The following PNO1 variants were observed in gnomAD, a reference collection of about 807,000 sequenced individuals.
PNO1 encodes the protein partner of NOB1 homolog.
A neutral mutation model predicts 28.4 loss-of-function variants in PNO1; 16 were observed. That is an observed-to-expected ratio of 0.56 (90% CI 0.38 to 0.85). The LOEUF (loss-of-function observed/expected upper bound fraction) is 0.85, where lower values mean the gene tolerates loss of function less well. Ranked by LOEUF, PNO1 falls within the 40% of genes least tolerant of loss-of-function variation. The pLI is 0.00. For synonymous variants in PNO1, 115 were observed against 110.8 expected (o/e 1.04, Z -0.24); for missense variants, 304 against 312.2 (o/e 0.97, Z 0.20).
intron 5 of PNO1, among the ~76,000 whole-genome samples, chr2:68,169,487 G>A (rs1674072868): frequency 6.6e-6 from 1 of 152,170 alleles, no homozygotes; most frequent in Admixed American, 6.5e-5. Flanking sequence ...GGCATTCTAA[G>A]TGGATACTTG....
intron 5 of PNO1, among the ~76,000 whole-genome samples, chr2:68,168,921 CTTTTTTTTTTTTTTT>C (rs57701897): frequency 1.4e-5 from 1 of 72,484 alleles, no homozygotes; most frequent in Non-Finnish European, 2.4e-5. Flanking sequence ...CAGCTTTTTT[CTTTTTTTTTTTTTTT>C]TTTTTTTTTT....
At chr2:68,174,288 G>GTTTTTTTTTTTTTTTTTTTTTTTTTAAGT (rs34323809) in intron 6 of PNO1, among the ~76,000 whole-genome samples, 1 of 106,800 alleles carries the variant, frequency 9.4e-6, no homozygotes, top group African/African-American at 3.8e-5. Context: ...TTCTGTTAAG[G>GTTTTTTTTTTTTTTTTTTTTTTTTTAAGT]TTTTTTTTTT....
intron 5 of PNO1, among the ~76,000 whole-genome samples, chr2:68,170,596 A>G (rs1674101516): frequency 6.6e-6 from 1 of 151,956 alleles, no homozygotes; most frequent in Non-Finnish European, 1.5e-5. Flanking sequence ...AAATACAAAA[A>G]AATTAGTCGG....
At chr2:68,162,759 CT>C (rs1183408874) in intron 5 of PNO1, 96 bp downstream of exon 5, 1 of 812,174 alleles carries the variant, frequency 1.2e-6, no homozygotes, top group East Asian at 2.4e-5. Context: ...CATAATGTTG[CT>C]GCTAAATCTT....
At chr2:68,160,108 A>G (rs1474432973) in intron 2 of PNO1, among the ~76,000 whole-genome samples, 3 of 151,578 alleles carry the variant, frequency 2.0e-5, no homozygotes, top group African/African-American at 7.3e-5. Flanking sequence ...AGCTGGGACT[A>G]CAGGCACCCA....
intron 5 of PNO1, among the ~76,000 whole-genome samples, chr2:68,165,236 C>G (rs916709694): frequency 1.4e-4 from 21 of 150,338 alleles, no homozygotes; most frequent in African/African-American, 5.1e-4. Flanking sequence ...TAGTGGCGGG[C>G]GCCTGTAGTC....
intron 2 of PNO1, among the ~76,000 whole-genome samples, chr2:68,160,123 C>T (rs1162976406): frequency 1.3e-5 from 2 of 151,920 alleles, no homozygotes; most frequent in African/African-American, 4.8e-5. Flanking sequence ...CACCCACCAC[C>T]ACGCCCGGCT....
intron 5 of PNO1, among the ~76,000 whole-genome samples, chr2:68,163,545 ATACATAC>A (rs1558619211): frequency 3.3e-4 from 46 of 138,004 alleles, no homozygotes; most frequent in African/African-American, 1.0e-3. Flanking sequence ...AAATAAATAC[ATACATAC>A]ATACATACAT....
intron 1 of PNO1, 72 bp from the exon 2 acceptor site, chr2:68,158,308 G>A (rs1673726031): frequency 1.4e-6 from 2 of 1,469,416 alleles, no homozygotes; most frequent in Non-Finnish European, 1.9e-6. Flanking sequence ...GCCCTTTGTG[G>A]ATCAGATGTC....
chr2:68,174,777 C>T lies in PNO1; in HGVS notation c.734C>T (p.Ala245Val). The change falls in exon 7 of 7, where the codon GCT becomes GTT. Residue 245 changes from alanine to valine, a missense_variant. Ala to Val is a moderately conservative substitution (Grantham distance 64). Coordinates refer to ENST00000263657, the MANE Select transcript of PNO1 (RefSeq NM_020143.4). Reference protein sequence around the residue: ...SKVYGNIRAVASRSADRF With the variant: ...SKVYGNIRAVVSRSADRF ...GTTTATGGCAATATTCGAGCTGTGG[C>T]TAGCAGATCAGCAGATCGATTCTGA... is the stretch of plus-strand genomic sequence containing the variant. 6.2e-7 allele frequency: 1 copy of T among 1,609,376 alleles called. No homozygotes were observed. The highest frequency in any genetic ancestry group is 8.5e-7 in the Non-Finnish European group (1 of 1,176,152).
At position 68,173,398 on chromosome 2, in the gene PNO1, C is replaced by T; in HGVS notation, c.672C>T (p.Ala224=). The stretch of plus-strand genomic sequence containing the variant: ...AAAATATCAAGATGGCAAGAACTGC[C>T]ATTTGCAACCTAATCTTGGGTAATA... ...SFQNIKMART[A]ICNLILGNPP... The change falls in exon 6 of 7, where the codon GCC becomes GCT. Residue 224 remains alanine, a synonymous_variant. Transcript: ENST00000263657. 1 of 1,599,378 alleles carries T rather than the reference C, an allele frequency of 6.3e-7. No individual in the cohort carries two copies. Among genetic ancestry groups the T allele is most frequent in the Non-Finnish European group, 8.6e-7 (1 of 1,166,752 alleles).
chr2:68,168,272 A>G (rs1236784508), intron 5 of PNO1, among the ~76,000 whole-genome samples: 1 of 152,252 alleles, frequency 6.6e-6, no homozygotes, highest in Admixed American at 6.5e-5. Context: ...GAGACTTAAC[A>G]TTTAAAATAC....
At chr2:68,173,041 G>C (rs1234659668) in intron 5 of PNO1, 1 of 235,254 alleles carries the variant, frequency 4.3e-6, no homozygotes. Context: ...CATTTTTGGA[G>C]TACAGGACTT....
At position 68,175,006 on chromosome 2, in the gene PNO1, A is replaced by G; in HGVS notation, c.*204A>G. The G allele has an allele frequency of 2.4e-6, 1 of 415,968 alleles. No homozygotes were observed. The highest frequency in any genetic ancestry group is 4.0e-6 in the Non-Finnish European group (1 of 250,192). 25.8% of individuals were successfully genotyped at this position (415,968 alleles called of 1,614,324 possible). A position where few individuals can be genotyped will look rare whatever the true frequency, so the allele number is the denominator to read the frequency against. On this transcript the variant is annotated 3_prime_UTR_variant, in exon 7 of 7. Coordinates refer to ENST00000263657, the MANE Select transcript of PNO1 (RefSeq NM_020143.4). ...TTTTAGGATAATTTAAATATCAAAA[A>G]TTGATTGTTATACTTAACACATTAG...
Position 68,175,286 on chromosome 2 carries a change from G to A in PNO1, c.*484G>A, listed in dbSNP as rs952713951. On this transcript the variant is annotated 3_prime_UTR_variant, in exon 7 of 7. Transcript: ENST00000263657. ...GAATATTTGTTTGTTGGCAGACAGGGTCTCACTTTGTCACCCAGGCTAGAG... is the reference window on the plus strand; with the variant it reads ...GAATATTTGTTTGTTGGCAGACAGGATCTCACTTTGTCACCCAGGCTAGAG... 1 of 152,402 alleles carries A rather than the reference G, an allele frequency of 6.6e-6. No homozygotes were observed. The highest frequency in any genetic ancestry group is 1.5e-5 in the Non-Finnish European group (1 of 68,266). 9.4% of individuals were successfully genotyped at this position (152,402 alleles called of 1,614,324 possible).
chr2:68,161,435 A>T (rs536009304), intron 2 of PNO1: 14 of 487,756 alleles, frequency 2.9e-5, no homozygotes, highest in Admixed American at 2.3e-4. Context: ...AAATCTGATC[A>T]TATAGTGCGG....
In PNO1 at chr2:68,174,786, C is replaced by A. The variant is rs780491637; in HGVS notation, c.743C>A (p.Ser248Ter). 6.2e-7 allele frequency: 1 copy of A among 1,606,692 alleles called. No individual in the cohort carries two copies. Among genetic ancestry groups the A allele is most frequent in the Non-Finnish European group, 8.5e-7 (1 of 1,173,864 alleles). Residue 248 changes from serine to a stop codon, truncating the protein, a stop_gained, in exon 7 of 7, where the codon TCA becomes TAA. Transcript: ENST00000263657. LOFTEE classifies it high-confidence loss of function. ...YGNIRAVASRSADRF is the reference protein window; with the variant it reads ...YGNIRAVASR ...AATATTCGAGCTGTGGCTAGCAGAT[C>A]AGCAGATCGATTCTGATTTCAAGTC...
chr2:68,164,996 T>TAA (rs1673937002), intron 5 of PNO1, among the ~76,000 whole-genome samples: 1 of 148,210 alleles, frequency 6.7e-6, no homozygotes, highest in Non-Finnish European at 1.5e-5. Context: ...GGCGCAATTA[T>TAA]AAAGTCAAAA....
rs1310346128 is a variant in PNO1 at position 68,158,018 on chromosome 2, G to A, written c.84G>A (p.Lys28=). The A allele has an allele frequency of 2.5e-6, 4 of 1,614,094 alleles. No individual in the cohort carries two copies. The African/African-American group carries it at 4.0e-5, about 16-fold the overall frequency. ...QVTRKGGRRA[K]KRQAEQLSAA... is the part of the protein sequence containing the mutation. ...CCCGCAAGGGTGGCCGACGGGCGAA[G>A]AAACGACAGGCTGAACAGCTGTCCG... Residue 28 remains lysine (K), a synonymous_variant, in exon 1 of 7, where the codon AAG becomes AAA. Transcript: ENST00000263657.
Sources: gnomAD v4.1 joint callset for allele counts (sites outside exome capture counted in the v4.1 genomes callset) on GRCh38, gnomAD v4.1.1 for gene constraint, MANE v1.5 for transcripts, NCBI Gene and HGNC (gene_info 2026-07-23, HGNC 2026-07-21) for gene names.